P2RY8: variants seen among roughly 807,000 people sequenced by gnomAD.
P2RY8 encodes S-geranylgeranyl-glutathione receptor P2RY8.
Under a neutral mutation model 10.0 loss-of-function variants are expected in P2RY8, and 6 were observed. The ratio of observed to expected loss-of-function variants is 0.60; its 90% CI spans 0.33 to 1.19. The LOEUF (loss-of-function observed/expected upper bound fraction) is 1.19. Ranked by LOEUF, P2RY8 falls within the 50% of genes most tolerant of loss-of-function variation. P2RY8 has a pLI of 0.04. For missense variants in P2RY8, 456 were observed against 542.0 expected (o/e 0.84, Z 1.58); for synonymous variants, 276 against 252.5 (o/e 1.09, Z -0.88).
At chrX:1,478,606 A>G (rs4933155) in intron 1 of P2RY8, among the ~76,000 whole-genome samples, 81,204 of 151,414 alleles carry the variant, frequency 0.54, 22,020 homozygotes, top group South Asian at 0.65. Flanking sequence ...AGCCTCCTGA[A>G]TATCTGGGAC....
At chrX:1,509,812 T>TCCATC (rs1569538172) in intron 1 of P2RY8, among the ~76,000 whole-genome samples, 13 of 92,126 alleles carry the variant, frequency 1.4e-4, no homozygotes, top group Non-Finnish European at 3.1e-4. Context: ...TATCTATCTA[T>TCCATC]CTATCTATCT....
In P2RY8 at chrX:1,527,345, C is replaced by T. The variant is rs774107598; in HGVS notation, c.-25+9576G>A. ...CCATCCATCCATCCATCCGTTTATCCATCCACTTATCCATACATCCACTAT... is the reference window on the plus strand; with the variant it reads ...CCATCCATCCATCCATCCGTTTATCTATCCACTTATCCATACATCCACTAT... On this transcript the variant is annotated intron_variant, in intron 1 of 1. Transcript: ENST00000381297. Among the ~76,000 whole-genome samples, 7 of 152,044 alleles carry T rather than the reference C, an allele frequency of 4.6e-5. No individual in the cohort carries two copies. In the South Asian group the frequency reaches 1.5e-3, roughly 32 times the overall value.
chrX:1,488,950 T>G (rs1378903769), intron 1 of P2RY8, among the ~76,000 whole-genome samples: 1 of 151,806 alleles, frequency 6.6e-6, no homozygotes, highest in African/African-American at 2.4e-5. Flanking sequence ...AATGAATGAA[T>G]GAATGGCATC....
intron 1 of P2RY8, among the ~76,000 whole-genome samples, chrX:1,499,368 G>T (rs2092152759): frequency 1.3e-5 from 2 of 152,052 alleles, no homozygotes. Context: ...GTTTCACCAT[G>T]TTGGCCAGGC....
chrX:1,497,197 G>A (rs1415023385), intron 1 of P2RY8, among the ~76,000 whole-genome samples: 1 of 141,644 alleles, frequency 7.1e-6, no homozygotes, highest in Non-Finnish European at 1.5e-5. Context: ...ACTCCAGCCT[G>A]GGGGACAGAG....
intron 1 of P2RY8, among the ~76,000 whole-genome samples, chrX:1,501,248 G>C (rs1341147401): frequency 6.6e-6 from 1 of 152,198 alleles, no homozygotes; most frequent in Non-Finnish European, 1.5e-5. Flanking sequence ...GACTTCAAGG[G>C]ACGTAAATAT....
At chrX:1,499,163 C>CTTTTTTTTTTTTTTTTTTT (rs1163119480) in intron 1 of P2RY8, among the ~76,000 whole-genome samples, 3 of 48,438 alleles carry the variant, frequency 6.2e-5, no homozygotes, top group Non-Finnish European at 1.6e-4. Flanking sequence ...TTTTTCTTTT[C>CTTTTTTTTTTTTTTTTTTT]TTTTTTTTTT....
chrX:1,512,398 T>C (rs1401020500), intron 1 of P2RY8, among the ~76,000 whole-genome samples: 1 of 151,706 alleles, frequency 6.6e-6, no homozygotes, highest in Non-Finnish European at 1.5e-5. Flanking sequence ...AACACAAAAA[T>C]TAGCCAGGCG....
At chrX:1,468,168 C>T (rs186657051) in intron 1 of P2RY8, among the ~76,000 whole-genome samples, 271 of 152,294 alleles carry the variant, frequency 1.8e-3, no homozygotes, top group African/African-American at 6.0e-3. Flanking sequence ...AAACTCCTGG[C>T]CTCAAGCAAT....
intron 1 of P2RY8, among the ~76,000 whole-genome samples, chrX:1,528,300 C>T (rs1249639957): frequency 6.6e-6 from 1 of 152,324 alleles, no homozygotes; most frequent in African/African-American, 2.4e-5. Context: ...GCAACATGCC[C>T]ATTTCAACCA....
At chrX:1,482,078 A>G in intron 1 of P2RY8, among the ~76,000 whole-genome samples, 1 of 152,120 alleles carries the variant, frequency 6.6e-6, no homozygotes, top group East Asian at 1.9e-4. Flanking sequence ...AGTATATAGC[A>G]CGGGGCTTCA....
chrX:1,534,325 G>T, intron 1 of P2RY8, among the ~76,000 whole-genome samples: 1 of 149,854 alleles, frequency 6.7e-6, no homozygotes. Context: ...TTTATCCTAA[G>T]TGAACACAGA....
At chrX:1,533,731 T>TATA (rs2092500345) in intron 1 of P2RY8, among the ~76,000 whole-genome samples, 1 of 125,180 alleles carries the variant, frequency 8.0e-6, no homozygotes. Context: ...TTTAAATATA[T>TATA]TATTCATATA....
chrX:1,479,795 T>G lies in P2RY8; in HGVS notation c.-24-13213A>C, dbSNP rs777348438. Among the ~76,000 whole-genome samples, 17 of 152,242 alleles carry G rather than the reference T, an allele frequency of 1.1e-4. No individual in the cohort carries two copies. The East Asian group carries it at 3.1e-3, about 28-fold the overall frequency. ...ATGAGGACACAAGTTACTAATACTGTAAATGAAAGAGGAGACATCACTACA... is the reference window on the plus strand; with the variant it reads ...ATGAGGACACAAGTTACTAATACTGGAAATGAAAGAGGAGACATCACTACA... On this transcript the variant is annotated intron_variant, in intron 1 of 1. Coordinates refer to ENST00000381297, the MANE Select transcript of P2RY8 (RefSeq NM_178129.5).
At chrX:1,467,117 G>C (rs2091696219) in intron 1 of P2RY8, among the ~76,000 whole-genome samples, 1 of 152,074 alleles carries the variant, frequency 6.6e-6, no homozygotes, top group South Asian at 2.1e-4. Flanking sequence ...TTGACACCCT[G>C]GCAGTATTAG....
At position 1,466,496 on chromosome X, in the gene P2RY8, C is replaced by A; in HGVS notation, c.63G>T (p.Ala21=). The part of the protein sequence containing the change: ...NATLQMLRNP[A]IAVALPVVYS... Reference sequence around the variant, plus strand: ...ACACCACGGGCAGGGCCACCGCGATCGCCGGGTTCCGCAGCATCTGCAGCG... The same window carrying A: ...ACACCACGGGCAGGGCCACCGCGATAGCCGGGTTCCGCAGCATCTGCAGCG... Residue 21 remains alanine (A), a synonymous_variant, in exon 2 of 2, where the codon GCG becomes GCT. Transcript: ENST00000381297. The A allele has an allele frequency of 7.4e-6, 12 of 1,611,146 alleles. No individual in the cohort carries two copies. Among genetic ancestry groups the A allele is most frequent in the Non-Finnish European group, 1.0e-5 (12 of 1,179,698 alleles).
At chrX:1,535,269 C>T (rs1464448001) in intron 1 of P2RY8, among the ~76,000 whole-genome samples, 24 of 147,326 alleles carry the variant, frequency 1.6e-4, no homozygotes, top group African/African-American at 5.8e-4. Flanking sequence ...CTCACCGCAA[C>T]CTCCGCCTCC....
At chrX:1,509,672 C>CCATT (rs1230385375) in intron 1 of P2RY8, among the ~76,000 whole-genome samples, 1 of 97,722 alleles carries the variant, frequency 1.0e-5, no homozygotes, top group Admixed American at 9.3e-5. Context: ...ATGTGTTCAT[C>CCATT]CATCCATCCA....
chrX:1,470,564 G>A (rs1412756847), intron 1 of P2RY8, among the ~76,000 whole-genome samples: 1 of 151,730 alleles, frequency 6.6e-6, no homozygotes, highest in Non-Finnish European at 1.5e-5. Flanking sequence ...TGCTAATCCT[G>A]TTCGTTCCTG....
Sources: gnomAD v4.1 joint callset for allele counts (sites outside exome capture counted in the v4.1 genomes callset) on GRCh38, gnomAD v4.1.1 for gene constraint, MANE v1.5 for transcripts, NCBI Gene and HGNC (gene_info 2026-07-23, HGNC 2026-07-21) for gene names.